The following MSRB3 variants were observed in gnomAD, a reference collection of about 807,000 sequenced individuals.
MSRB3 encodes the protein methionine sulfoxide reductase B3.
MSRB3 carries 13 observed loss-of-function variants against 21.0 expected under a neutral mutation model. The observed-to-expected ratio is 0.62, with a 90% CI of 0.40 to 0.98. MSRB3 has a LOEUF of 0.98. Among genes scored for constraint, MSRB3 ranks in the 50% least tolerant of loss-of-function variants. The probability of loss-of-function intolerance (pLI) is 0.00; values close to 1 mark genes in which losing one functional copy is unlikely to be tolerated. For synonymous variants in MSRB3, 87 were observed against 88.6 expected (o/e 0.98, Z 0.10); for missense variants, 199 against 230.3 (o/e 0.86, Z 0.88).
intron 5 of MSRB3, among the ~76,000 whole-genome samples, chr12:65,385,609 CT>C (rs1879161278): frequency 6.6e-6 from 1 of 151,904 alleles, no homozygotes; most frequent in South Asian, 2.1e-4. Flanking sequence ...AAATAGCTTT[CT>C]TTAATTTGCT....
intron 1 of MSRB3, among the ~76,000 whole-genome samples, chr12:65,280,702 C>T (rs1023253724): frequency 6.6e-6 from 1 of 152,126 alleles, no homozygotes; most frequent in African/African-American, 2.4e-5. Flanking sequence ...AATTTTGTCA[C>T]AGTGCTTAAA....
At chr12:65,377,982 T>C (rs145355205) in intron 5 of MSRB3, among the ~76,000 whole-genome samples, 281 of 152,264 alleles carry the variant, frequency 1.8e-3, no homozygotes, top group African/African-American at 6.2e-3. Flanking sequence ...TTGGAGGAGA[T>C]CCACGCAGGA....
At chr12:65,447,437 A>G (rs765355035) in intron 5 of MSRB3, among the ~76,000 whole-genome samples, 2 of 152,228 alleles carry the variant, frequency 1.3e-5, no homozygotes, top group Non-Finnish European at 2.9e-5. Context: ...ATTCTCAGAA[A>G]TATTTGAAAA....
intron 1 of MSRB3, chr12:65,285,293 C>G (rs1164502456): frequency 1.3e-5 from 2 of 152,192 alleles, no homozygotes; most frequent in Non-Finnish European, 2.9e-5. Context: ...GTTGGCCACT[C>G]CGGTCACTAT....
chr12:65,360,025 C>G (rs1401528647), intron 4 of MSRB3, among the ~76,000 whole-genome samples: 1 of 152,004 alleles, frequency 6.6e-6, no homozygotes, highest in African/African-American at 2.4e-5. Flanking sequence ...TGAGGTCTCT[C>G]GTTGGCTTGT....
At chr12:65,416,373 G>C (rs1356184657) in intron 5 of MSRB3, among the ~76,000 whole-genome samples, 2 of 152,160 alleles carry the variant, frequency 1.3e-5, no homozygotes, top group African/African-American at 4.8e-5. Context: ...TATCCATTAG[G>C]TACTGCAGGA....
chr12:65,409,793 C>G (rs1410320442), intron 5 of MSRB3, among the ~76,000 whole-genome samples: 2 of 152,174 alleles, frequency 1.3e-5, no homozygotes, highest in East Asian at 1.9e-4. Flanking sequence ...TTTATCATAG[C>G]TGTTCCTTAG....
intron 5 of MSRB3, among the ~76,000 whole-genome samples, chr12:65,424,973 TTA>T (rs149024921): frequency 2.8e-3 from 134 of 47,860 alleles, no homozygotes; most frequent in African/African-American, 0.013. Context: ...AATATTTGCT[TTA>T]TATATATATA....
intron 2 of MSRB3, 152 bp downstream of exon 2, chr12:65,308,807 C>G: frequency 2.1e-6 from 2 of 942,710 alleles, no homozygotes; most frequent in South Asian, 1.4e-5. Context: ...AATCACCACT[C>G]TACTTTGAGT....
chr12:65,284,706 A>G (rs1284836110), intron 1 of MSRB3: 1 of 152,240 alleles, frequency 6.6e-6, no homozygotes, highest in African/African-American at 2.4e-5. Flanking sequence ...AGGGTACAGG[A>G]AAAGCATCAT....
intron 5 of MSRB3, among the ~76,000 whole-genome samples, chr12:65,402,597 T>C (rs1391442474): frequency 6.6e-6 from 1 of 152,214 alleles, no homozygotes; most frequent in Non-Finnish European, 1.5e-5. Flanking sequence ...TTACCCACCT[T>C]CTGAAGCCTA....
At chr12:65,351,870 A>G (rs1257584481) in intron 4 of MSRB3, among the ~76,000 whole-genome samples, 1 of 152,186 alleles carries the variant, frequency 6.6e-6, no homozygotes, top group Non-Finnish European at 1.5e-5. Flanking sequence ...TCACAGCCGA[A>G]TTCTATCAGA....
chr12:65,447,709 T>C (rs543464840), intron 5 of MSRB3, among the ~76,000 whole-genome samples: 22 of 152,320 alleles, frequency 1.4e-4, no homozygotes, highest in African/African-American at 5.1e-4. Context: ...GAGGCAGATC[T>C]GCTGTAATCG....
chr12:65,286,347 A>G (rs1319288065), intron 1 of MSRB3: 2 of 152,242 alleles, frequency 1.3e-5, no homozygotes, highest in Non-Finnish European at 2.9e-5. Context: ...TCCTCTTACA[A>G]TAAAATTTAT....
intron 1 of MSRB3, among the ~76,000 whole-genome samples, chr12:65,280,949 C>A (rs115200874): frequency 6.6e-6 from 1 of 152,092 alleles, no homozygotes; most frequent in African/African-American, 2.4e-5. Flanking sequence ...ATTTTAAGGC[C>A]ACGTGTGGTG....
chr12:65,325,233 G>A (rs1402672372), intron 2 of MSRB3, among the ~76,000 whole-genome samples: 2 of 152,162 alleles, frequency 1.3e-5, no homozygotes, highest in African/African-American at 2.4e-5. Flanking sequence ...CTACCTAACC[G>A]TTGATAACAG....
chr12:65,422,925 G>GT (rs1881395417), intron 5 of MSRB3, among the ~76,000 whole-genome samples: 2 of 142,066 alleles, frequency 1.4e-5, no homozygotes, highest in African/African-American at 5.1e-5. Context: ...GAATTTATTA[G>GT]TTTTAACAGG....
At chr12:65,450,702 C>A (rs1289672362) in intron 5 of MSRB3, among the ~76,000 whole-genome samples, 3 of 152,200 alleles carry the variant, frequency 2.0e-5, no homozygotes, top group African/African-American at 7.2e-5. Flanking sequence ...CACTCCCCTT[C>A]CCCCACCCTT....
In MSRB3 at chr12:65,278,769, A is replaced by G. The variant is rs1289707750; in HGVS notation, c.-148A>G. 6.3e-6 allele frequency: 10 copies of G among 1,578,370 alleles called. No homozygotes were observed. Among genetic ancestry groups the G allele is most frequent in the South Asian group, 4.6e-5 (4 of 86,170 alleles). On this transcript the variant is annotated 5_prime_UTR_variant, in exon 1 of 7. An upstream start codon of the reference 5' UTR is lost. Transcript: ENST00000308259. Reference sequence around the variant, plus strand: ...CCGGCGGCGGCTGCCTGGCCTTTCCATGAGCCCGCGGCGGACCCTCCCGCG... The same window carrying G: ...CCGGCGGCGGCTGCCTGGCCTTTCCGTGAGCCCGCGGCGGACCCTCCCGCG...
Sources: allele counts gnomAD v4.1 joint callset (sites outside exome capture counted in the v4.1 genomes callset), GRCh38; gene constraint gnomAD v4.1.1; transcripts MANE v1.5; gene names NCBI Gene and HGNC (gene_info 2026-07-23, HGNC 2026-07-21).